Variants in NASP observed in about 807,000 individuals in gnomAD.
NASP encodes nuclear autoantigenic sperm protein, also known as NASP histone chaperone.
In NASP, 24 loss-of-function variants were observed where a neutral mutation model predicts 89.5. The observed-to-expected ratio is 0.27, with a 90% confidence interval of 0.19 to 0.38. NASP has a LOEUF of 0.38. Among genes scored for constraint, NASP ranks in the 10% least tolerant of loss-of-function variants. The probability of loss-of-function intolerance (pLI) is 1.00; values close to 1 mark genes in which losing one functional copy is unlikely to be tolerated. For synonymous variants in NASP, 306 were observed against 324.7 expected, an observed-to-expected ratio of 0.94 and a Z score of 0.62; for missense variants, 848 against 921.4, an observed-to-expected ratio of 0.92 and a Z score of 1.03.
At chr1:45,588,046 C>A (rs990207713) in intron 1 of NASP, among the ~76,000 whole-genome samples, 17 of 150,526 alleles carry the variant, frequency 1.1e-4, no homozygotes, top group Non-Finnish European at 2.1e-4. Context: ...TCGAGACCAG[C>A]CTGGCTGACA....
chr1:45,611,442 A>AGC (rs1419554110), intron 6 of NASP: 1 of 150,770 alleles, frequency 6.6e-6, no homozygotes, highest in Non-Finnish European at 1.5e-5. Context: ...TTAAGGAGAA[A>AGC]GCCATCGCCA....
chr1:45,601,745 ATTTTTT>A (rs71056316), intron 2 of NASP, among the ~76,000 whole-genome samples: 1,032 of 68,866 alleles, frequency 0.015, 8 homozygotes, highest in Middle Eastern at 0.1. Context: ...CGTTAAGAGA[ATTTTTT>A]TTTTTTTTTT....
At chr1:45,588,367 G>A (rs1644588209) in intron 1 of NASP, among the ~76,000 whole-genome samples, 5 of 152,224 alleles carry the variant, frequency 3.3e-5, no homozygotes, top group Non-Finnish European at 7.4e-5. Context: ...CCTTTCCAAA[G>A]TTCTGGGATT....
intron 2 of NASP, among the ~76,000 whole-genome samples, chr1:45,594,151 C>G (rs1002237912): frequency 3.0e-5 from 4 of 132,540 alleles, no homozygotes; most frequent in African/African-American, 1.1e-4. Context: ...CATGGTGAAA[C>G]CCCGTCTCTA....
intron 1 of NASP, among the ~76,000 whole-genome samples, chr1:45,590,414 G>C (rs776160858): frequency 6.6e-6 from 1 of 151,164 alleles, no homozygotes; most frequent in Non-Finnish European, 1.5e-5. Context: ...CATGGTGGCC[G>C]GTGCACAGGC....
At chr1:45,609,427 T>A (rs1643964486) in intron 6 of NASP, 1 of 152,164 alleles carries the variant, frequency 6.6e-6, no homozygotes, top group Non-Finnish European at 1.5e-5. Flanking sequence ...GCTAAAATGG[T>A]AGCACCATTG....
chr1:45,608,376 A>C (rs940142347), intron 6 of NASP, 39 bp downstream of exon 6: 1 of 1,559,954 alleles, frequency 6.4e-7, no homozygotes, highest in Non-Finnish European at 8.7e-7. Flanking sequence ...GGTGGAGTAC[A>C]TTCTGGATTT....
chr1:45,600,452 C>G (rs758510386), intron 2 of NASP: 2 of 1,249,574 alleles, frequency 1.6e-6, no homozygotes, highest in Non-Finnish European at 2.1e-6. Flanking sequence ...TAAATAGAAT[C>G]ATACAGTAAG....
At chr1:45,602,187 T>G in intron 2 of NASP, 68 bp from the exon 3 acceptor site, 1 of 1,534,160 alleles carries the variant, frequency 6.5e-7, no homozygotes, top group South Asian at 1.2e-5. Flanking sequence ...ATTGCTCAAA[T>G]GTAGCAGGTA....
intron 3 of NASP, 107 bp downstream of exon 3, chr1:45,602,472 C>T (rs1570975967): frequency 7.3e-6 from 8 of 1,090,088 alleles, no homozygotes; most frequent in South Asian, 4.7e-5. Flanking sequence ...AGTTTTAAAA[C>T]ATTTGATTAT....
At chr1:45,586,288 T>TG (rs1255486435) in intron 1 of NASP, among the ~76,000 whole-genome samples, 25 of 95,836 alleles carry the variant, frequency 2.6e-4, no homozygotes, top group East Asian at 1.2e-3. Context: ...GTGTGTGGTG[T>TG]GTGTGTGTGT....
At chr1:45,596,827 C>T (rs1345547243) in intron 2 of NASP, among the ~76,000 whole-genome samples, 1 of 151,670 alleles carries the variant, frequency 6.6e-6, no homozygotes, top group Non-Finnish European at 1.5e-5. Flanking sequence ...AGTAAAAATA[C>T]AAAAATTAGC....
At chr1:45,584,295 G>A (rs1353993932) in intron 1 of NASP, 90 bp downstream of exon 1, 2 of 1,264,288 alleles carry the variant, frequency 1.6e-6, no homozygotes, top group African/African-American at 1.5e-5. Flanking sequence ...AGACCGGTGG[G>A]CGGGAGTACT....
rs896757778 is a variant in NASP at position 45,613,181 on chromosome 1, C to T, written c.1439C>T (p.Ser480Leu). The change falls in exon 7 of 15, where the codon TCA becomes TTA. Residue 480 changes from serine (S) to leucine (L), a missense_variant. By Grantham distance (145) the Ser-to-Leu change is moderately radical (BLOSUM62 -2). This residue lies in a region of NASP where 464 missense variants were observed against 469.4 expected (regional missense o/e 0.99). Coordinates refer to ENST00000350030, the MANE Select transcript of NASP (RefSeq NM_002482.4). ...TTTTTACTTGTAGAAACTGAAGGCTCAGAAGAGGATGATAAAGAAAATGAT... is the reference window on the plus strand; with the variant it reads ...TTTTTACTTGTAGAAACTGAAGGCTTAGAAGAGGATGATAAAGAAAATGAT... Reference protein sequence around the residue: ...QMKEGEETEGSEEDDKENDKT... With the variant: ...QMKEGEETEGLEEDDKENDKT... 42 of 1,607,650 alleles carry T rather than the reference C, an allele frequency of 2.6e-5. No homozygotes were observed. In the East Asian group the frequency reaches 6.5e-4, roughly 25 times the overall value.
chr1:45,602,126 G>T, intron 2 of NASP, 129 bp from the exon 3 acceptor site: 1 of 1,081,980 alleles, frequency 9.2e-7, no homozygotes, highest in Non-Finnish European at 1.3e-6. Context: ...GTAAATAAGT[G>T]TGTTAGCCAG....
At chr1:45,616,802 A>G in intron 13 of NASP, 99 bp downstream of exon 13, 1 of 1,135,384 alleles carries the variant, frequency 8.8e-7, no homozygotes, top group Non-Finnish European at 1.3e-6. Context: ...CATATAAGAC[A>G]CTTATTTTCC....
intron 9 of NASP, 71 bp from the exon 10 acceptor site, chr1:45,614,942 G>T: frequency 7.7e-7 from 1 of 1,300,144 alleles, no homozygotes; most frequent in African/African-American, 1.5e-5. Context: ...CCCATAGGAT[G>T]GGTCTGAATT....
chr1:45,603,335 A>G (rs1250994084), intron 3 of NASP, among the ~76,000 whole-genome samples: 1 of 152,240 alleles, frequency 6.6e-6, no homozygotes, highest in Non-Finnish European at 1.5e-5. Context: ...TACATTACAT[A>G]CAGTTGATTA....
At chr1:45,612,976 C>A in intron 6 of NASP, 193 bp from the exon 7 acceptor site, 1 of 651,466 alleles carries the variant, frequency 1.5e-6, no homozygotes, top group Non-Finnish European at 2.3e-6. Context: ...ACTAAGATTG[C>A]ACATTCTTAG....
Sources: gnomAD v4.1 joint callset for allele counts (sites outside exome capture counted in the v4.1 genomes callset) on GRCh38, gnomAD v4.1.1 for gene constraint, gnomAD v4.1.1 regional missense constraint, MANE v1.5 for transcripts, NCBI Gene and HGNC (gene_info 2026-07-23, HGNC 2026-07-21) for gene names.